NFIA: variants seen among roughly 807,000 people sequenced by gnomAD.
NFIA encodes the protein nuclear factor 1 A-type.
A neutral mutation model predicts 62.8 loss-of-function variants in NFIA; 8 were observed. The ratio of observed to expected loss-of-function variants is 0.13; its 90% CI spans 0.07 to 0.23. NFIA has a LOEUF of 0.23. Among genes scored for constraint, NFIA ranks in the 10% least tolerant of loss-of-function variants. The pLI is 1.00. For missense variants in NFIA, 410 were observed against 642.1 expected, an observed-to-expected ratio of 0.64 and a Z score of 3.91; for synonymous variants, 235 against 238.1, an observed-to-expected ratio of 0.99 and a Z score of 0.12.
At chr1:61,240,761 TC>T (rs1462803589) in intron 2 of NFIA, among the ~76,000 whole-genome samples, 1 of 152,082 alleles carries the variant, frequency 6.6e-6, no homozygotes, top group Admixed American at 6.6e-5. Context: ...GATGCCAGAG[TC>T]ACACCAGTGC....
At chr1:61,079,283 C>T (rs1338375219), upstream of NFIA, among the ~76,000 whole-genome samples, 2 of 152,156 alleles carry the variant, frequency 1.3e-5, no homozygotes, top group African/African-American at 2.4e-5. Flanking sequence ...CTTATGAATC[C>T]CAGTCCTATC....
intron 2 of NFIA, among the ~76,000 whole-genome samples, chr1:61,237,681 A>G (rs1416197479): frequency 1.3e-5 from 2 of 152,184 alleles, no homozygotes; most frequent in Non-Finnish European, 1.5e-5. Flanking sequence ...ATGGATTTCA[A>G]GATGCACTAT....
intron 3 of NFIA, among the ~76,000 whole-genome samples, chr1:61,287,368 T>C (rs1364982914): frequency 2.0e-5 from 3 of 152,240 alleles, no homozygotes; most frequent in Admixed American, 6.5e-5. Flanking sequence ...TGGTTTCACA[T>C]ACCCAATTGT....
chr1:61,081,222 C>G (rs112443417), upstream of NFIA, among the ~76,000 whole-genome samples: 181 of 151,608 alleles, frequency 1.2e-3, no homozygotes, highest in African/African-American at 3.9e-3. Flanking sequence ...TTCCCCCCTC[C>G]GAGAGAGGAG....
chr1:61,160,132 T>G (rs1022096019), intron 2 of NFIA, among the ~76,000 whole-genome samples: 3 of 152,200 alleles, frequency 2.0e-5, no homozygotes, highest in Non-Finnish European at 4.4e-5. Context: ...AGAAGGGAAC[T>G]GGAATCCCTG....
Position 61,455,513 on chromosome 1 carries a change from A to ATTTTTT in NFIA, c.*201_*206dup. On this transcript the variant is annotated 3_prime_UTR_variant, in exon 11 of 11. Coordinates refer to ENST00000403491, the MANE Select transcript of NFIA (RefSeq NM_001134673.4). ...ACAGCAAAGGCCATAACCTTTTGGG[A>ATTTTTT]TTTTTTTTTTTTTAAAATACTTTAG... is the stretch of plus-strand genomic sequence containing the variant. 3.4e-6 allele frequency: 2 copies of ATTTTTT among 583,154 alleles called. No individual in the cohort carries two copies. The highest frequency in any genetic ancestry group is 5.7e-6 in the Non-Finnish European group (2 of 350,236). The allele number at this position is 583,154 out of a possible 1,614,324, so 36.1% of individuals were successfully genotyped here. A position where few individuals can be genotyped will look rare whatever the true frequency, so the allele number is the denominator to read the frequency against.
At chr1:61,137,945 T>C (rs1000794103) in intron 2 of NFIA, among the ~76,000 whole-genome samples, 1 of 151,036 alleles carries the variant, frequency 6.6e-6, no homozygotes, top group African/African-American at 2.4e-5. Flanking sequence ...TCTCTCTCTC[T>C]CCCACCTCTT....
intron 9 of NFIA, among the ~76,000 whole-genome samples, chr1:61,409,015 A>G (rs1200984023): frequency 6.6e-6 from 1 of 152,214 alleles, no homozygotes; most frequent in African/African-American, 2.4e-5. Flanking sequence ...GATTGAACCA[A>G]GTGCTATGTA....
At chr1:61,366,106 T>C (rs1663570164) in intron 6 of NFIA, among the ~76,000 whole-genome samples, 1 of 152,166 alleles carries the variant, frequency 6.6e-6, no homozygotes, top group Non-Finnish European at 1.5e-5. Context: ...TTAAGTCTTC[T>C]TCCTAAGTTG....
At chr1:61,104,021 T>C (rs1273809558) in intron 2 of NFIA, among the ~76,000 whole-genome samples, 1 of 152,168 alleles carries the variant, frequency 6.6e-6, no homozygotes, top group East Asian at 1.9e-4. Context: ...TGGAGTAATA[T>C]AGTAACTGCT....
At chr1:61,448,172 C>T (rs1667902583) in intron 10 of NFIA, among the ~76,000 whole-genome samples, 1 of 152,122 alleles carries the variant, frequency 6.6e-6, no homozygotes, top group African/African-American at 2.4e-5. Context: ...CCCTTTTCTC[C>T]TCACCCCCAA....
At chr1:61,106,330 T>C (rs983134289) in intron 2 of NFIA, among the ~76,000 whole-genome samples, 1 of 151,822 alleles carries the variant, frequency 6.6e-6, no homozygotes, top group Non-Finnish European at 1.5e-5. Flanking sequence ...GACTGGATAA[T>C]GCATTTTAAG....
chr1:61,152,776 C>T (rs926548472), intron 2 of NFIA, among the ~76,000 whole-genome samples: 27 of 152,278 alleles, frequency 1.8e-4, no homozygotes, highest in African/African-American at 6.5e-4. Context: ...AAAGTGGCTT[C>T]TGTTTGCCTC....
chr1:61,227,824 A>G (rs1654425683), intron 2 of NFIA, among the ~76,000 whole-genome samples: 2 of 152,228 alleles, frequency 1.3e-5, no homozygotes, highest in East Asian at 1.9e-4. Flanking sequence ...CTTGTCTGGT[A>G]TCATAAGCAG....
chr1:61,390,081 G>A (rs769584301), intron 7 of NFIA, among the ~76,000 whole-genome samples: 2 of 152,162 alleles, frequency 1.3e-5, no homozygotes, highest in Non-Finnish European at 2.9e-5. Context: ...GCACTGCTGT[G>A]CTAGAAGCAC....
intron 3 of NFIA, among the ~76,000 whole-genome samples, chr1:61,331,212 C>T (rs1661283895): frequency 2.0e-5 from 3 of 151,976 alleles, no homozygotes; most frequent in Admixed American, 2.0e-4. Flanking sequence ...TCTCAAATAC[C>T]ATAGATTATG....
chr1:61,151,693 C>A (rs1415951475), intron 2 of NFIA, among the ~76,000 whole-genome samples: 1 of 152,134 alleles, frequency 6.6e-6, no homozygotes, highest in Non-Finnish European at 1.5e-5. Flanking sequence ...ATTAAATAGT[C>A]CAGCAACTGC....
chr1:61,309,657 AG>A (rs1557697713), intron 3 of NFIA, among the ~76,000 whole-genome samples: 1 of 152,216 alleles, frequency 6.6e-6, no homozygotes, highest in South Asian at 2.1e-4. Context: ...CTGGGAGGCC[AG>A]GGTGGGTGGA....
rs1363647533 is a variant in NFIA, at chr1:61,406,725, C to G, written c.1418C>G (p.Pro473Arg). ...TEGGAASPTSPTYSTPSTSPA... is the reference protein window; with the variant it reads ...TEGGAASPTSRTYSTPSTSPA... The stretch of plus-strand genomic sequence containing the variant: ...GGAGGTGCAGCCTCCCCCACGTCAC[C>G]AAGTAAGTATGGCTGCGACAAGGCG... Residue 473 changes from proline to arginine, a missense_variant and splice_region_variant, in exon 9 of 11, where the codon CCA becomes CGA. Physicochemically the swap from Pro to Arg is moderately radical, Grantham distance 103. Transcript: ENST00000403491. The G allele has an allele frequency of 3.1e-6, 5 of 1,606,558 alleles. No individual in the cohort carries two copies. The highest frequency in any genetic ancestry group is 3.4e-6 in the Non-Finnish European group (4 of 1,176,604).
Sources: allele counts gnomAD v4.1 joint callset (sites outside exome capture counted in the v4.1 genomes callset), GRCh38; gene constraint gnomAD v4.1.1; transcripts MANE v1.5; gene names NCBI Gene and HGNC (gene_info 2026-07-23, HGNC 2026-07-21).